The following KCNMB2 variants were observed in gnomAD, a reference collection of about 807,000 sequenced individuals.
The protein encoded by KCNMB2 is potassium calcium-activated channel subfamily M regulatory beta subunit 2.
In KCNMB2, 9 loss-of-function variants were observed where a neutral mutation model predicts 24.5. The observed-to-expected ratio is 0.37, with a 90% CI of 0.22 to 0.64. The LOEUF (loss-of-function observed/expected upper bound fraction) is 0.64, where lower values mean the gene tolerates loss of function less well. Among genes scored for constraint, KCNMB2 ranks in the 30% least tolerant of loss-of-function variants. KCNMB2 has a pLI of 0.63. For synonymous variants in KCNMB2, 109 were observed against 104.4 expected (o/e 1.04, Z -0.27); for missense variants, 226 against 284.3 (o/e 0.79, Z 1.47).
Position 178,569,513 on chromosome 3 carries a change from TA to T in KCNMB2, c.-68+32803del, listed in dbSNP as rs1716693840. ...GCCACCTACAGCTTCTTCCATAAATTACTTTTACATCCTTGGTTGCTTCCCT... is the reference window on the plus strand; with the variant it reads ...GCCACCTACAGCTTCTTCCATAAATTCTTTTACATCCTTGGTTGCTTCCCT... On this transcript the variant is annotated intron_variant, in intron 1 of 4. Transcript: ENST00000452583. Among the ~76,000 whole-genome samples the T allele has an allele frequency of 2.0e-5, 3 of 152,308 alleles. No individual in the cohort carries two copies. The South Asian group carries it at 6.2e-4, about 32-fold the overall frequency.
intron 2 of KCNMB2, among the ~76,000 whole-genome samples, chr3:178,814,913 T>C (rs1468536609): frequency 6.6e-6 from 1 of 152,218 alleles, no homozygotes; most frequent in East Asian, 1.9e-4. Flanking sequence ...TCTCCCATTC[T>C]GTAGGTAGTC....
intron 1 of KCNMB2, among the ~76,000 whole-genome samples, chr3:178,651,938 T>G (rs1347354728): frequency 3.9e-5 from 6 of 152,166 alleles, no homozygotes; most frequent in Non-Finnish European, 8.8e-5. Context: ...GATTAAAGAC[T>G]TAAACATCAG....
chr3:178,621,108 A>G (rs1320766833), intron 1 of KCNMB2, among the ~76,000 whole-genome samples: 2 of 152,186 alleles, frequency 1.3e-5, no homozygotes, highest in East Asian at 3.8e-4. Context: ...TGAATAGAAG[A>G]CGCAAGAGAG....
At chr3:178,704,537 G>A (rs755996086) in intron 1 of KCNMB2, among the ~76,000 whole-genome samples, 5 of 151,912 alleles carry the variant, frequency 3.3e-5, no homozygotes, top group Non-Finnish European at 5.9e-5. Flanking sequence ...TGTATTTATT[G>A]GCACATGGTT....
intron 1 of KCNMB2, among the ~76,000 whole-genome samples, chr3:178,635,189 G>A (rs1719473233): frequency 6.6e-6 from 1 of 152,118 alleles, no homozygotes; most frequent in Non-Finnish European, 1.5e-5. Context: ...CCTTGGAGAT[G>A]AGCCAAAATA....
intron 1 of KCNMB2, among the ~76,000 whole-genome samples, chr3:178,771,634 C>T (rs914220644): frequency 6.6e-6 from 1 of 151,976 alleles, no homozygotes; most frequent in Non-Finnish European, 1.5e-5. Flanking sequence ...AGGCATGAGC[C>T]ATGGCACCAG....
intron 1 of KCNMB2, among the ~76,000 whole-genome samples, chr3:178,676,303 C>G (rs1218147396): frequency 6.6e-6 from 1 of 152,202 alleles, no homozygotes; most frequent in African/African-American, 2.4e-5. Flanking sequence ...AAAGGCTTCA[C>G]TCCATGGTTA....
intron 1 of KCNMB2, among the ~76,000 whole-genome samples, chr3:178,615,509 C>T (rs1248517168): frequency 6.6e-6 from 1 of 152,212 alleles, no homozygotes; most frequent in African/African-American, 2.4e-5. Flanking sequence ...CCTACTCTTC[C>T]CTCCCCTTTC....
At chr3:178,760,650 A>G (rs962126731) in intron 1 of KCNMB2, among the ~76,000 whole-genome samples, 35 of 151,536 alleles carry the variant, frequency 2.3e-4, no homozygotes, top group African/African-American at 7.7e-4. Context: ...AGAAGGAAAT[A>G]AATTAAAGGA....
At position 178,693,886 on chromosome 3, in the gene KCNMB2, C is replaced by CTTTTTCT. The variant is rs796874977; in HGVS notation, c.-67-113451_-67-113445dup. Among the ~76,000 whole-genome samples, 244 of 77,674 alleles carry CTTTTTCT rather than the reference C, an allele frequency of 3.1e-3. 1 individual carries two copies. The highest frequency in any genetic ancestry group is 0.017 in the African/African-American group (233 of 13,950). The allele number at this position is 77,674 out of a possible 152,430, so 51.0% of individuals were successfully genotyped here. On this transcript the variant is annotated intron_variant, in intron 1 of 4. Transcript: ENST00000452583. ...ATCCATCTGGTCCTGGGCTTTTTTT[C>CTTTTTCT]TTTTTCTTTTTTTTTTTTAGTTAGT...
chr3:178,705,183 C>T (rs905116139), intron 1 of KCNMB2, among the ~76,000 whole-genome samples: 1 of 152,120 alleles, frequency 6.6e-6, no homozygotes, highest in Non-Finnish European at 1.5e-5. Flanking sequence ...CATCCCTATA[C>T]AGCCCTTCTG....
At chr3:178,799,828 C>A (rs1713707757) in intron 1 of KCNMB2, among the ~76,000 whole-genome samples, 1 of 152,034 alleles carries the variant, frequency 6.6e-6, no homozygotes, top group Non-Finnish European at 1.5e-5. Flanking sequence ...GAAAAAGAGA[C>A]AAATACACCA....
chr3:178,647,791 T>C (rs573602074), intron 1 of KCNMB2, among the ~76,000 whole-genome samples: 3 of 152,276 alleles, frequency 2.0e-5, no homozygotes, highest in Non-Finnish European at 4.4e-5. Context: ...AAGAGCAACG[T>C]GGACACGATT....
At chr3:178,683,877 C>G (rs1045404257) in intron 1 of KCNMB2, among the ~76,000 whole-genome samples, 5 of 152,072 alleles carry the variant, frequency 3.3e-5, no homozygotes, top group African/African-American at 9.7e-5. Flanking sequence ...ATAGGTGCAG[C>G]CATTATGAAG....
chr3:178,666,645 A>G (rs961247689), intron 1 of KCNMB2, among the ~76,000 whole-genome samples: 19 of 152,208 alleles, frequency 1.2e-4, no homozygotes, highest in African/African-American at 4.6e-4. Context: ...ACTTCTAAGT[A>G]GAGTCTGTCA....
chr3:178,667,815 C>T (rs1052391362), intron 1 of KCNMB2, among the ~76,000 whole-genome samples: 4 of 152,104 alleles, frequency 2.6e-5, no homozygotes, highest in Admixed American at 2.6e-4. Context: ...TAAAGCCCCA[C>T]TCTTGAGTAT....
In KCNMB2 at chr3:178,842,135, A is replaced by G. The variant is rs1471783824; in HGVS notation, c.424-518A>G. ...GTAGCTGTTTTTTTATGACAGTTGCAAAGTAACCAAATAAAATGAAGCCAA... is the reference window on the plus strand; with the variant it reads ...GTAGCTGTTTTTTTATGACAGTTGCGAAGTAACCAAATAAAATGAAGCCAA... On this transcript the variant is annotated intron_variant, in intron 4 of 4. Transcript: ENST00000452583. 1.1e-4 allele frequency among the ~76,000 whole-genome samples: 16 copies of G among 152,324 alleles called. No individual in the cohort carries two copies. In the East Asian group the frequency reaches 3.1e-3, roughly 29 times the overall value.
chr3:178,612,478 T>C (rs541066265), intron 1 of KCNMB2, among the ~76,000 whole-genome samples: 2 of 152,328 alleles, frequency 1.3e-5, no homozygotes, highest in South Asian at 4.1e-4. Flanking sequence ...TTAACCCCTT[T>C]ATCATTATAT....
At chr3:178,714,108 G>A (rs548084096) in intron 1 of KCNMB2, among the ~76,000 whole-genome samples, 3 of 152,050 alleles carry the variant, frequency 2.0e-5, no homozygotes, top group South Asian at 4.2e-4. Flanking sequence ...ATAGATTCCC[G>A]GTTATACTTG....
Sources: allele counts gnomAD v4.1 joint callset (sites outside exome capture counted in the v4.1 genomes callset), GRCh38; gene constraint gnomAD v4.1.1; transcripts MANE v1.5; gene names NCBI Gene and HGNC (gene_info 2026-07-23, HGNC 2026-07-21).